GRID2: variants seen among roughly 807,000 people sequenced by gnomAD.
GRID2 encodes the protein glutamate ionotropic receptor delta type subunit 2, also known as glutamate receptor ionotropic, delta-2.
A neutral mutation model predicts 114.8 loss-of-function variants in GRID2; 33 were observed. That is an observed-to-expected ratio of 0.29 (90% confidence interval 0.22 to 0.38). The LOEUF (loss-of-function observed/expected upper bound fraction) is 0.38. GRID2 is among the 10% of genes least tolerant of loss of function. GRID2 has a pLI of 1.00. For missense variants in GRID2, 1,184 were observed against 1,257.7 expected (o/e 0.94, Z 0.89); for synonymous variants, 505 against 449.9 (o/e 1.12, Z -1.55).
chr4:92,647,377 C>A (rs1016450495), intron 2 of GRID2, among the ~76,000 whole-genome samples: 1 of 55,348 alleles, frequency 1.8e-5, no homozygotes, highest in African/African-American at 6.4e-5. Flanking sequence ...AAAATTCTAA[C>A]CAATAAATGA....
rs1046911132 is a variant in GRID2, at chr4:92,758,224, TAGG to T, written c.244+167941_244+167943del. ...ATAAGTCACAATTATCAGCTGAGAA[TAGG>T]AGAAGTGGTATTGGAGGTTTGAGGA... On this transcript the variant is annotated intron_variant, in intron 2 of 15. Coordinates refer to ENST00000282020, the MANE Select transcript of GRID2 (RefSeq NM_001510.4). Among the ~76,000 whole-genome samples the T allele has an allele frequency of 2.0e-5, 3 of 152,058 alleles. 1 individual carries two copies. The highest frequency in any genetic ancestry group is 2.9e-5 in the Non-Finnish European group (2 of 67,956).
intron 13 of GRID2, 52 bp downstream of exon 13, chr4:93,515,463 T>C (rs1463261315): frequency 3.3e-6 from 4 of 1,204,954 alleles, no homozygotes; most frequent in Non-Finnish European, 4.8e-6. Context: ...TGTCCCATGC[T>C]GGAATTGCGC....
intron 1 of GRID2, among the ~76,000 whole-genome samples, chr4:92,464,179 G>A (rs1271139079): frequency 3.3e-5 from 5 of 152,054 alleles, no homozygotes; most frequent in Non-Finnish European, 4.4e-5. Context: ...AGAATCAAGT[G>A]TGTCACAGCA....
At chr4:92,593,941 G>A (rs745385403) in intron 2 of GRID2, among the ~76,000 whole-genome samples, 3 of 150,136 alleles carry the variant, frequency 2.0e-5, no homozygotes, top group East Asian at 1.9e-4. Flanking sequence ...AAAAAAAAAC[G>A]TATATGGGTT....
rs563763670 is a variant in GRID2, at chr4:92,545,792, C to T, written c.89-44339C>T. Among the ~76,000 whole-genome samples, 10 of 152,196 alleles carry T rather than the reference C, an allele frequency of 6.6e-5. No individual in the cohort carries two copies. In the East Asian group the frequency reaches 1.9e-3, roughly 29 times the overall value. The stretch of plus-strand genomic sequence containing the variant: ...CATTTCATCTATTTATGCAATTGCA[C>T]GTTCATATGTACGAAAGCCAGCTCA... On this transcript the variant is annotated intron_variant, in intron 1 of 15. Coordinates refer to ENST00000282020, the MANE Select transcript of GRID2 (RefSeq NM_001510.4).
At chr4:93,420,680 C>T (rs187105156) in intron 9 of GRID2, among the ~76,000 whole-genome samples, 65 of 151,614 alleles carry the variant, frequency 4.3e-4, no homozygotes, top group Non-Finnish European at 7.4e-4. Flanking sequence ...GGAAAAAAAT[C>T]GGTACCTTAA....
chr4:93,015,389 G>T (rs1365627590), intron 2 of GRID2, among the ~76,000 whole-genome samples: 1 of 152,168 alleles, frequency 6.6e-6, no homozygotes, highest in Non-Finnish European at 1.5e-5. Flanking sequence ...CATTGTGTGG[G>T]CACAAGTCTT....
At chr4:93,087,235 T>C (rs894802168) in intron 3 of GRID2, among the ~76,000 whole-genome samples, 9 of 151,022 alleles carry the variant, frequency 6.0e-5, no homozygotes, top group Non-Finnish European at 1.3e-4. Context: ...AGAGATGGGG[T>C]TTCAACGTGT....
At chr4:93,307,099 G>A (rs1464949899) in intron 8 of GRID2, among the ~76,000 whole-genome samples, 2 of 151,966 alleles carry the variant, frequency 1.3e-5, no homozygotes, top group African/African-American at 4.8e-5. Context: ...GGGAGGCTGG[G>A]GCAGGAGAAT....
intron 3 of GRID2, among the ~76,000 whole-genome samples, chr4:93,090,114 C>T (rs886086163): frequency 2.0e-5 from 3 of 152,074 alleles, no homozygotes; most frequent in South Asian, 2.1e-4. Flanking sequence ...AAATTTCCCC[C>T]GTGAGATTGC....
chr4:93,666,667 T>G (rs1723978223), intron 14 of GRID2, among the ~76,000 whole-genome samples: 1 of 152,096 alleles, frequency 6.6e-6, no homozygotes, highest in African/African-American at 2.4e-5. Context: ...ATGGTTTTTC[T>G]GCTTTATTGT....
chr4:93,040,855 C>A (rs1454149654), intron 2 of GRID2, among the ~76,000 whole-genome samples: 2 of 152,014 alleles, frequency 1.3e-5, no homozygotes, highest in Non-Finnish European at 2.9e-5. Flanking sequence ...GGCGAATTTA[C>A]AAGGAGCTGT....
intron 2 of GRID2, among the ~76,000 whole-genome samples, chr4:92,977,027 A>G (rs1002556118): frequency 4.6e-5 from 7 of 152,220 alleles, no homozygotes; most frequent in African/African-American, 1.7e-4. Flanking sequence ...TTTCATCTCT[A>G]TGCAATTCAT....
At chr4:92,429,950 T>G (rs934757952) in intron 1 of GRID2, among the ~76,000 whole-genome samples, 12 of 152,302 alleles carry the variant, frequency 7.9e-5, no homozygotes, top group African/African-American at 2.9e-4. Flanking sequence ...TTAAATCAGA[T>G]TATTAGATTT....
chr4:92,549,241 A>G (rs1726451755), intron 1 of GRID2, among the ~76,000 whole-genome samples: 1 of 152,046 alleles, frequency 6.6e-6, no homozygotes, highest in Admixed American at 6.6e-5. Context: ...TATTTGTTGG[A>G]TGTAATTTAT....
At position 93,583,274 on chromosome 4, in the gene GRID2, G is replaced by T. The variant is rs749324924; in HGVS notation, c.2194-42995G>T. On this transcript the variant is annotated intron_variant, in intron 13 of 15. Transcript: ENST00000282020. ...TTTCGAGGGGGGCACTATTTAACTC[G>T]CTACAGGTATAATTATGTATGAAGG... is the stretch of plus-strand genomic sequence containing the variant. Among the ~76,000 whole-genome samples the T allele has an allele frequency of 3.5e-4, 53 of 152,160 alleles. 1 individual carries two copies. Among genetic ancestry groups the T allele is most frequent in the East Asian group, 7.7e-4 (4 of 5,178 alleles).
chr4:93,546,543 T>C (rs1733236412), intron 13 of GRID2, among the ~76,000 whole-genome samples: 1 of 152,316 alleles, frequency 6.6e-6, no homozygotes, highest in South Asian at 2.1e-4. Context: ...TACTAAAAAG[T>C]AACCTGTACA....
intron 11 of GRID2, among the ~76,000 whole-genome samples, chr4:93,458,967 G>T (rs534754808): frequency 6.6e-6 from 1 of 151,958 alleles, no homozygotes; most frequent in East Asian, 1.9e-4. Flanking sequence ...ATCACCTGAG[G>T]TCAGGAGTTC....
At chr4:92,470,084 G>A (rs1223803351) in intron 1 of GRID2, among the ~76,000 whole-genome samples, 1 of 151,760 alleles carries the variant, frequency 6.6e-6, no homozygotes, top group Non-Finnish European at 1.5e-5. Flanking sequence ...TTTCTAAAAG[G>A]CATTTATAAA....
Sources: allele counts gnomAD v4.1 joint callset (sites outside exome capture counted in the v4.1 genomes callset), GRCh38; gene constraint gnomAD v4.1.1; transcripts MANE v1.5; gene names NCBI Gene and HGNC (gene_info 2026-07-23, HGNC 2026-07-21).